Variants in SETBP1 observed in about 807,000 individuals in gnomAD.
SETBP1 encodes SET-binding protein.
SETBP1 carries 9 observed loss-of-function variants against 101.0 expected under a neutral mutation model. The observed-to-expected ratio is 0.09, with a 90% confidence interval of 0.05 to 0.16. The LOEUF (loss-of-function observed/expected upper bound fraction) is 0.16, where lower values mean the gene tolerates loss of function less well. Ranked by LOEUF, SETBP1 falls within the 10% of genes least tolerant of loss-of-function variation. The pLI, the probability that SETBP1 is intolerant of heterozygous loss-of-function variation, is 1.00. For missense variants in SETBP1, 1,858 were observed against 2,033.8 expected (o/e 0.91, Z 1.66); for synonymous variants, 818 against 788.5 (o/e 1.04, Z -0.63).
chr18:44,801,902 A>G (rs1463184954), intron 2 of SETBP1, among the ~76,000 whole-genome samples: 1 of 151,570 alleles, frequency 6.6e-6, no homozygotes, highest in Non-Finnish European at 1.5e-5. Flanking sequence ...TAATGTATTT[A>G]TGGGGAACCA....
At chr18:44,930,804 G>A (rs1426137464) in intron 3 of SETBP1, among the ~76,000 whole-genome samples, 1 of 151,242 alleles carries the variant, frequency 6.6e-6, no homozygotes, top group East Asian at 1.9e-4. Flanking sequence ...ATTTTTTATT[G>A]TGTCTATTTG....
At position 44,868,698 on chromosome 18, in the gene SETBP1, GGACGGAAGGA is replaced by G. The variant is rs1478730210; in HGVS notation, c.487-531_487-522del. On this transcript the variant is annotated intron_variant, in intron 2 of 5. Transcript: ENST00000649279. ...AGAGAGAGAGAGAGAGAGAGAGAGAGGACGGAAGGAAGGGAGGAAGGAAGGAAGGAAGGAA... is the reference window on the plus strand; with the variant it reads ...AGAGAGAGAGAGAGAGAGAGAGAGAGAGGGAGGAAGGAAGGAAGGAAGGAA... 9.7e-3 allele frequency among the ~76,000 whole-genome samples: 671 copies of G among 69,146 alleles called. 33 individuals carry two copies. The highest frequency in any genetic ancestry group is 0.035 in the Admixed American group (237 of 6,740). The allele number at this position is 69,146 out of a possible 152,430, so 45.4% of individuals were successfully genotyped here.
rs541858660 is a variant in SETBP1 at position 44,967,024 on chromosome 18, C to T, written c.4000+13684C>T. ...AGATAATATATTCAAACAGAAAATA[C>T]AAAACAACAGATTGGTATAGAAGTC... On this transcript the variant is annotated intron_variant, in intron 4 of 5. Coordinates refer to ENST00000649279, the MANE Select transcript of SETBP1 (RefSeq NM_015559.3). Among the ~76,000 whole-genome samples, 6 of 152,268 alleles carry T rather than the reference C, an allele frequency of 3.9e-5. No individual in the cohort carries two copies. In the East Asian group the frequency reaches 1.2e-3, roughly 29 times the overall value.
At chr18:45,036,948 G>C (rs1468628433) in intron 4 of SETBP1, among the ~76,000 whole-genome samples, 1 of 152,158 alleles carries the variant, frequency 6.6e-6, no homozygotes, top group African/African-American at 2.4e-5. Context: ...AGTGAGTTCA[G>C]GTCTCCTTTA....
chr18:44,971,143 G>A (rs984771391), intron 4 of SETBP1, among the ~76,000 whole-genome samples: 12 of 151,154 alleles, frequency 7.9e-5, no homozygotes, highest in Non-Finnish European at 1.6e-4. Flanking sequence ...TTTTGTCCTT[G>A]TGATAGTTTG....
chr18:44,999,763 C>T (rs2145326777), intron 4 of SETBP1, among the ~76,000 whole-genome samples: 1 of 152,232 alleles, frequency 6.6e-6, no homozygotes, highest in East Asian at 1.9e-4. Flanking sequence ...GTACAGCCCC[C>T]AACAGCACAC....
At chr18:44,954,755 G>T (rs1485645998) in intron 4 of SETBP1, among the ~76,000 whole-genome samples, 1 of 152,128 alleles carries the variant, frequency 6.6e-6, no homozygotes, top group Non-Finnish European at 1.5e-5. Flanking sequence ...GCCCAAAGTG[G>T]ATGTGCTCAT....
At chr18:44,864,067 C>A (rs2069075933) in intron 2 of SETBP1, among the ~76,000 whole-genome samples, 1 of 152,046 alleles carries the variant, frequency 6.6e-6, no homozygotes, top group Non-Finnish European at 1.5e-5. Context: ...TGATAAAGGG[C>A]CAGCAGAGGG....
At chr18:44,739,520 T>C (rs1239765110) in intron 2 of SETBP1, among the ~76,000 whole-genome samples, 1 of 152,184 alleles carries the variant, frequency 6.6e-6, no homozygotes, top group Non-Finnish European at 1.5e-5. Context: ...GCTTTCAAGA[T>C]ATGTTTTAAT....
intron 2 of SETBP1, among the ~76,000 whole-genome samples, chr18:44,788,195 A>G (rs898202429): frequency 6.6e-6 from 1 of 152,070 alleles, no homozygotes; most frequent in Admixed American, 6.6e-5. Context: ...GTCGTAAGAA[A>G]TGGTGCCACT....
rs186458308 is a variant in SETBP1, at chr18:45,056,634, G to A, written c.4172-6445G>A. 1.7e-3 allele frequency among the ~76,000 whole-genome samples: 262 copies of A among 152,378 alleles called. 2 individuals are homozygous for A. The highest frequency in any genetic ancestry group is 6.1e-3 in the African/African-American group (253 of 41,592). On this transcript the variant is annotated intron_variant, in intron 5 of 5. Coordinates refer to ENST00000649279, the MANE Select transcript of SETBP1 (RefSeq NM_015559.3). The stretch of plus-strand genomic sequence containing the variant: ...TAGAGAGGCAGAGAGGAGGTGAACA[G>A]TGTGGGCAAGGTGGCAGGGGCAGGA...
chr18:44,744,988 G>A (rs1426516999), intron 2 of SETBP1, among the ~76,000 whole-genome samples: 1 of 152,044 alleles, frequency 6.6e-6, no homozygotes, highest in South Asian at 2.1e-4. Context: ...TGGGGCTGGC[G>A]GGCAGGCTGT....
intron 3 of SETBP1, among the ~76,000 whole-genome samples, chr18:44,919,836 T>A (rs2070538032): frequency 6.6e-6 from 1 of 152,118 alleles, no homozygotes. Context: ...TATCTAAATA[T>A]TACATATAGG....
intron 3 of SETBP1, among the ~76,000 whole-genome samples, chr18:44,885,050 CAT>C (rs763572147): frequency 6.6e-6 from 1 of 152,120 alleles, no homozygotes; most frequent in Non-Finnish European, 1.5e-5. Context: ...TATGAACACA[CAT>C]AAAAAGATGG....
chr18:44,932,977 T>C (rs1384236402), intron 3 of SETBP1, among the ~76,000 whole-genome samples: 1 of 152,256 alleles, frequency 6.6e-6, no homozygotes, highest in African/African-American at 2.4e-5. Context: ...TCTCTCCGGC[T>C]TTGTTCCGTT....
intron 4 of SETBP1, among the ~76,000 whole-genome samples, chr18:44,989,501 T>G (rs2072309618): frequency 6.6e-6 from 1 of 151,788 alleles, no homozygotes; most frequent in East Asian, 1.9e-4. Context: ...AGAAAAGAGA[T>G]AGTAAAAGGA....
chr18:44,716,295 A>C (rs3324), intron 2 of SETBP1, among the ~76,000 whole-genome samples: 114,756 of 151,884 alleles, frequency 0.76, 44,102 homozygotes, highest in African/African-American at 0.89. Context: ...TTGTTTAAGA[A>C]CCTATACGTT....
intron 5 of SETBP1, among the ~76,000 whole-genome samples, chr18:45,053,628 A>G (rs1473161591): frequency 6.6e-6 from 1 of 152,226 alleles, no homozygotes; most frequent in East Asian, 1.9e-4. Context: ...AAAACAAAAC[A>G]GAGATACTCA....
chr18:45,022,585 G>T (rs2073092501), intron 4 of SETBP1, among the ~76,000 whole-genome samples: 1 of 152,136 alleles, frequency 6.6e-6, no homozygotes, highest in East Asian at 1.9e-4. Context: ...ATCCCAGCAC[G>T]TTGGGAGGCC....
Sources: allele counts gnomAD v4.1 joint callset (sites outside exome capture counted in the v4.1 genomes callset), GRCh38; gene constraint gnomAD v4.1.1; transcripts MANE v1.5; gene names NCBI Gene and HGNC (gene_info 2026-07-23, HGNC 2026-07-21).